The following GMDS variants were observed in gnomAD, a reference collection of about 807,000 sequenced individuals.
GMDS encodes the protein GDP-mannose 4,6-dehydratase, also known as GDP-mannose 4,6 dehydratase.
Under a neutral mutation model 49.9 loss-of-function variants are expected in GMDS, and 20 were observed. The observed-to-expected ratio is 0.40, with a 90% CI of 0.28 to 0.58. The LOEUF (loss-of-function observed/expected upper bound fraction) is 0.58. Ranked by LOEUF, GMDS falls within the 20% of genes least tolerant of loss-of-function variation. The pLI is 0.42. For synonymous variants in GMDS, 177 were observed against 178.6 expected, an observed-to-expected ratio of 0.99 and a Z score of 0.07; for missense variants, 362 against 481.4, an observed-to-expected ratio of 0.75 and a Z score of 2.32.
At chr6:1,894,563 G>A (rs1006292124) in intron 7 of GMDS, among the ~76,000 whole-genome samples, 2 of 152,104 alleles carry the variant, frequency 1.3e-5, no homozygotes, top group African/African-American at 2.4e-5. Flanking sequence ...GAGAGCACCC[G>A]TTTATCTCAT....
intron 4 of GMDS, among the ~76,000 whole-genome samples, chr6:2,062,562 T>C (rs538205358): frequency 4.6e-5 from 7 of 152,254 alleles, no homozygotes; most frequent in East Asian, 3.9e-4. Flanking sequence ...ATAATGTATA[T>C]ATACATAAAC....
Position 2,245,541 on chromosome 6 carries a change from G to GGA in GMDS, c.-121_-120dup. On this transcript the variant is annotated 5_prime_UTR_variant, in exon 1 of 11. Transcript: ENST00000380815. ...GCCTCTCCAGGCTGCGGGCAGGGAGGGAGAGCGCACCGCGCGACCGGCCGC... is the reference window on the plus strand; with the variant it reads ...GCCTCTCCAGGCTGCGGGCAGGGAGGGAGAGAGCGCACCGCGCGACCGGCCGC... 1.4e-5 allele frequency: 7 copies of GGA among 501,550 alleles called. No individual in the cohort carries two copies. The highest frequency in any genetic ancestry group is 1.6e-5 in the Non-Finnish European group (5 of 312,086). The allele number at this position is 501,550 out of a possible 1,614,324, so 31.1% of individuals were successfully genotyped here. A position where few individuals can be genotyped will look rare whatever the true frequency, so the allele number is the denominator to read the frequency against.
intron 4 of GMDS, among the ~76,000 whole-genome samples, chr6:2,003,730 TAAGG>T (rs1766979642): frequency 6.6e-6 from 1 of 152,114 alleles, no homozygotes; most frequent in African/African-American, 2.4e-5. Context: ...TGCTGTGCAA[TAAGG>T]AAGGATAAAA....
rs962181625 is a variant in GMDS, at chr6:1,912,324, C to T, written c.771+17779G>A. Among the ~76,000 whole-genome samples the T allele has an allele frequency of 1.9e-4, 29 of 152,168 alleles. 1 individual carries two copies. Among genetic ancestry groups the T allele is most frequent in the Non-Finnish European group, 2.9e-5 (2 of 68,030 alleles). ...GAGGTTGCAGTGAACCAAGATCACGCCACTGCACTCCAGCCTGGGCAACAG... is the reference window on the plus strand; with the variant it reads ...GAGGTTGCAGTGAACCAAGATCACGTCACTGCACTCCAGCCTGGGCAACAG... On this transcript the variant is annotated intron_variant, in intron 7 of 10. Coordinates refer to ENST00000380815, the MANE Select transcript of GMDS (RefSeq NM_001500.4).
At chr6:2,212,383 G>A (rs1175381709) in intron 1 of GMDS, among the ~76,000 whole-genome samples, 1 of 152,132 alleles carries the variant, frequency 6.6e-6, no homozygotes, top group African/African-American at 2.4e-5. Context: ...CAAGCAGCGA[G>A]CATTGCAGGA....
At chr6:1,748,478 A>G (rs1767601405) in intron 7 of GMDS, among the ~76,000 whole-genome samples, 1 of 152,060 alleles carries the variant, frequency 6.6e-6, no homozygotes, top group Non-Finnish European at 1.5e-5. Flanking sequence ...TTTATTTTAT[A>G]TTTTGTTGGT....
intron 4 of GMDS, among the ~76,000 whole-genome samples, chr6:1,980,474 G>A (rs6911723): frequency 0.027 from 4,135 of 151,126 alleles, 197 homozygotes; most frequent in African/African-American, 0.094. Flanking sequence ...AATGGTAAAG[G>A]GCTCAATTCA....
intron 9 of GMDS, among the ~76,000 whole-genome samples, chr6:1,685,925 T>C (rs1290497620): frequency 6.6e-6 from 1 of 152,228 alleles, no homozygotes; most frequent in Non-Finnish European, 1.5e-5. Flanking sequence ...CCTGGTGAAG[T>C]CTTCCTTTGG....
At chr6:2,186,346 T>C (rs1320874477) in intron 1 of GMDS, among the ~76,000 whole-genome samples, 1 of 152,184 alleles carries the variant, frequency 6.6e-6, no homozygotes, top group Admixed American at 6.5e-5. Flanking sequence ...CCCTTAAAAT[T>C]AGCAAAAATA....
chr6:1,861,215 C>T (rs77058374), intron 7 of GMDS, among the ~76,000 whole-genome samples: 2,644 of 152,222 alleles, frequency 0.017, 63 homozygotes, highest in African/African-American at 0.061. Context: ...AGCAGGAAGC[C>T]GACTGACATC....
intron 7 of GMDS, among the ~76,000 whole-genome samples, chr6:1,831,603 T>G (rs1309059547): frequency 1.3e-5 from 2 of 152,150 alleles, no homozygotes; most frequent in Non-Finnish European, 2.9e-5. Flanking sequence ...TAGAAGAAAG[T>G]TTTTTATTCC....
chr6:1,947,999 G>A (rs1763166627), intron 6 of GMDS, among the ~76,000 whole-genome samples: 1 of 152,128 alleles, frequency 6.6e-6, no homozygotes, highest in South Asian at 2.1e-4. Flanking sequence ...TTCTCTAGGT[G>A]GGACATTAGC....
At chr6:1,989,555 G>A (rs929365213) in intron 4 of GMDS, among the ~76,000 whole-genome samples, 30 of 152,310 alleles carry the variant, frequency 2.0e-4, no homozygotes, top group African/African-American at 7.2e-4. Context: ...AGATTTGTAA[G>A]GAAAAATCCA....
chr6:2,003,051 A>T (rs1315576976), intron 4 of GMDS, among the ~76,000 whole-genome samples: 1 of 152,190 alleles, frequency 6.6e-6, no homozygotes, highest in Non-Finnish European at 1.5e-5. Context: ...CTACCACAAG[A>T]TCATCTTCTA....
At position 1,754,197 on chromosome 6, in the gene GMDS, G is replaced by A. The variant is rs1767847218; in HGVS notation, c.772-11611C>T. 2.0e-5 allele frequency among the ~76,000 whole-genome samples: 3 copies of A among 152,176 alleles called. No homozygotes were observed. In the South Asian group the frequency reaches 6.2e-4, roughly 32 times the overall value. ...AATAGACACAATATAAAATGATAAA[G>A]GGGACATCACCACTGATCCCACAGA... On this transcript the variant is annotated intron_variant, in intron 7 of 10. Coordinates refer to ENST00000380815, the MANE Select transcript of GMDS (RefSeq NM_001500.4).
chr6:2,204,972 G>C (rs554598503), intron 1 of GMDS, among the ~76,000 whole-genome samples: 1 of 152,278 alleles, frequency 6.6e-6, no homozygotes, highest in Non-Finnish European at 1.5e-5. Context: ...TCTATACTAT[G>C]TGTGGTTTGA....
At chr6:1,984,877 T>C (rs1241606088) in intron 4 of GMDS, among the ~76,000 whole-genome samples, 4 of 152,152 alleles carry the variant, frequency 2.6e-5, no homozygotes, top group African/African-American at 9.7e-5. Context: ...TGGGTAGGAA[T>C]GGCCCAAAAC....
chr6:1,938,001 T>C lies in GMDS; in HGVS notation c.644-7771A>G, dbSNP rs1369551829. 4.6e-5 allele frequency among the ~76,000 whole-genome samples: 7 copies of C among 151,976 alleles called. No homozygotes were observed. The East Asian group carries it at 1.4e-3, about 29-fold the overall frequency. On this transcript the variant is annotated intron_variant, in intron 6 of 10. Transcript: ENST00000380815. ...GGGCAACATAGCAAGACCCCTTCTC[T>C]ACTAATTTAAAAGAAAAAAAAAGGG...
At chr6:1,784,698 T>A (rs1769252836) in intron 7 of GMDS, among the ~76,000 whole-genome samples, 1 of 152,214 alleles carries the variant, frequency 6.6e-6, no homozygotes. Context: ...CAGAAAAGAA[T>A]AAAACCATTT....
Sources: gnomAD v4.1 joint callset for allele counts (sites outside exome capture counted in the v4.1 genomes callset) on GRCh38, gnomAD v4.1.1 for gene constraint, MANE v1.5 for transcripts, NCBI Gene and HGNC (gene_info 2026-07-23, HGNC 2026-07-21) for gene names.